The following RGS6 variants were observed in gnomAD, a reference collection of about 807,000 sequenced individuals.
RGS6 encodes the protein regulator of G-protein signaling 6.
A neutral mutation model predicts 78.5 loss-of-function variants in RGS6; 30 were observed. That is an observed-to-expected ratio of 0.38 (90% confidence interval 0.29 to 0.52). RGS6 has a LOEUF of 0.52. RGS6 is among the 20% of genes least tolerant of loss of function. The pLI, the probability that RGS6 is intolerant of heterozygous loss-of-function variation, is 0.85. For missense variants in RGS6, 495 were observed against 609.7 expected (o/e 0.81, Z 1.98); for synonymous variants, 206 against 206.0 (o/e 1.00, Z 0.00).
chr14:72,554,672 T>C (rs2097546954), intron 17 of RGS6, among the ~76,000 whole-genome samples: 1 of 151,576 alleles, frequency 6.6e-6, no homozygotes, highest in African/African-American at 2.4e-5. Context: ...ATTCCACTCC[T>C]GAAGCCACCA....
At chr14:72,186,048 T>G (rs2097240567) in intron 2 of RGS6, among the ~76,000 whole-genome samples, 1 of 152,252 alleles carries the variant, frequency 6.6e-6, no homozygotes. Flanking sequence ...ATGGAGGAAC[T>G]GAGTATCTAA....
chr14:72,573,345 T>A, the RGS6 span, among the ~76,000 whole-genome samples: 1 of 152,174 alleles, frequency 6.6e-6, no homozygotes, highest in Non-Finnish European at 1.5e-5. Context: ...AGACTTGGGT[T>A]CACCACTAGT....
At chr14:72,546,719 G>C (rs963814885) in intron 17 of RGS6, among the ~76,000 whole-genome samples, 19 of 152,128 alleles carry the variant, frequency 1.2e-4, no homozygotes, top group Admixed American at 9.8e-4. Context: ...ACCCCAATGT[G>C]CCAAGCAGTC....
chr14:72,421,370 T>C (rs1359395299), intron 3 of RGS6, among the ~76,000 whole-genome samples: 1 of 152,008 alleles, frequency 6.6e-6, no homozygotes, highest in Non-Finnish European at 1.5e-5. Flanking sequence ...CTATGAGAAA[T>C]GTAATTATTT....
intron 2 of RGS6, among the ~76,000 whole-genome samples, chr14:72,319,002 T>C (rs775339077): frequency 3.9e-5 from 6 of 152,194 alleles, no homozygotes; most frequent in Admixed American, 6.5e-5. Flanking sequence ...TCCTGACTCC[T>C]ATCCCACAAA....
chr14:72,540,600 G>A lies in RGS6; in HGVS notation c.1422+506G>A, dbSNP rs751001605. On this transcript the variant is annotated intron_variant, in intron 17 of 17. Coordinates refer to ENST00000553525, the MANE Select transcript of RGS6 (RefSeq NM_001204424.2). ...GCGGCTTTTGCTGTGTGCAGAAAGC[G>A]GCCGTGCTGCATGGGTCCTGGCGAT... 2.1e-5 allele frequency: 32 copies of A among 1,489,506 alleles called. No homozygotes were observed. The Admixed American group carries it at 2.5e-4, about 12-fold the overall frequency. The allele number at this position is 1,489,506 out of a possible 1,614,324, so 92.3% of individuals were successfully genotyped here.
intron 2 of RGS6, among the ~76,000 whole-genome samples, chr14:71,986,539 TAA>T (rs879804936): frequency 6.9e-6 from 1 of 144,450 alleles, no homozygotes; most frequent in Non-Finnish European, 1.5e-5. Flanking sequence ...CATCTCTATT[TAA>T]AAAAAAAAAA....
At chr14:72,025,712 G>A (rs2089711414) in intron 2 of RGS6, among the ~76,000 whole-genome samples, 1 of 152,138 alleles carries the variant, frequency 6.6e-6, no homozygotes, top group Non-Finnish European at 1.5e-5. Context: ...ACACTTACAT[G>A]TTAGGAACTA....
chr14:72,238,549 C>T (rs1261234235), intron 2 of RGS6, among the ~76,000 whole-genome samples: 1 of 152,104 alleles, frequency 6.6e-6, no homozygotes, highest in Non-Finnish European at 1.5e-5. Flanking sequence ...TCTATTTAAG[C>T]TCCTGGTCAT....
intron 1 of RGS6, among the ~76,000 whole-genome samples, chr14:71,958,757 C>T (rs1052907323): frequency 3.9e-5 from 6 of 152,156 alleles, no homozygotes; most frequent in South Asian, 4.1e-4. Context: ...TCTAGGTCAG[C>T]GGTTTCCAAA....
At chr14:72,537,046 A>G (rs1008637226) in intron 16 of RGS6, among the ~76,000 whole-genome samples, 2 of 152,138 alleles carry the variant, frequency 1.3e-5, no homozygotes, top group African/African-American at 2.4e-5. Flanking sequence ...AGGGTCCAGG[A>G]AGGGAATGGA....
the RGS6 span, among the ~76,000 whole-genome samples, chr14:72,613,053 C>T: frequency 7.2e-5 from 11 of 151,990 alleles, no homozygotes; most frequent in African/African-American, 1.4e-4. Flanking sequence ...TGCACGCACG[C>T]GCATGCACAT....
chr14:72,465,750 T>A lies in RGS6; in HGVS notation c.395-8T>A. On this transcript the variant is annotated splice_polypyrimidine_tract_variant and splice_region_variant and intron_variant, in intron 6 of 17. Transcript: ENST00000553525. ...TTGTACATGTTGTCATTTCCTTTCTTCCCTCAGCCATCTATCTCTGTAAGA... is the reference window on the plus strand; with the variant it reads ...TTGTACATGTTGTCATTTCCTTTCTACCCTCAGCCATCTATCTCTGTAAGA... 1 of 1,610,892 alleles carries A rather than the reference T, an allele frequency of 6.2e-7. No homozygotes were observed. Among genetic ancestry groups the A allele is most frequent in the Non-Finnish European group, 8.5e-7 (1 of 1,177,098 alleles).
chr14:72,333,288 T>C (rs1025423511), intron 2 of RGS6, among the ~76,000 whole-genome samples: 7 of 152,230 alleles, frequency 4.6e-5, no homozygotes, highest in Non-Finnish European at 7.3e-5. Flanking sequence ...GTTGAGGCTT[T>C]GTCCTTGAGC....
chr14:71,956,259 T>A (rs990703428), intron 1 of RGS6, among the ~76,000 whole-genome samples: 1 of 151,974 alleles, frequency 6.6e-6, no homozygotes, highest in South Asian at 2.1e-4. Context: ...TCCATCAGTG[T>A]TGGAATTTGG....
At chr14:72,008,098 A>G (rs2049236741) in intron 2 of RGS6, among the ~76,000 whole-genome samples, 1 of 152,214 alleles carries the variant, frequency 6.6e-6, no homozygotes, top group Non-Finnish European at 1.5e-5. Context: ...TTAGAGACCA[A>G]ATCAAGGAGC....
chr14:72,189,786 C>G (rs1458319468), intron 2 of RGS6, among the ~76,000 whole-genome samples: 1 of 152,022 alleles, frequency 6.6e-6, no homozygotes. Context: ...TCTTTCTAGG[C>G]AGAAATGAAT....
chr14:72,418,497 T>C (rs377477785), intron 3 of RGS6, among the ~76,000 whole-genome samples: 15 of 151,986 alleles, frequency 9.9e-5, no homozygotes, highest in African/African-American at 3.4e-4. Flanking sequence ...TACCAGGAAA[T>C]AGGATTAAGA....
intron 12 of RGS6, among the ~76,000 whole-genome samples, chr14:72,492,710 T>C (rs1002286740): frequency 6.6e-6 from 1 of 152,018 alleles, no homozygotes; most frequent in African/African-American, 2.4e-5. Flanking sequence ...CCTCAGCCCC[T>C]CCCCGACCCT....
Sources: gnomAD v4.1 joint callset for allele counts (sites outside exome capture counted in the v4.1 genomes callset) on GRCh38, gnomAD v4.1.1 for gene constraint, MANE v1.5 for transcripts, NCBI Gene and HGNC (gene_info 2026-07-23, HGNC 2026-07-21) for gene names.